Variants in ARHGAP24 observed in about 807,000 individuals in gnomAD.
ARHGAP24 encodes the protein Rho GTPase activating protein 24.
ARHGAP24 carries 50 observed loss-of-function variants against 76.4 expected under a neutral mutation model. That is an observed-to-expected ratio of 0.65 (90% CI 0.52 to 0.83). ARHGAP24 has a LOEUF of 0.83. Ranked by LOEUF, ARHGAP24 falls within the 40% of genes least tolerant of loss-of-function variation. The probability of loss-of-function intolerance (pLI) is 0.00; values close to 1 mark genes in which losing one functional copy is unlikely to be tolerated. For missense variants in ARHGAP24, 930 were observed against 914.2 expected (o/e 1.02, Z -0.22); for synonymous variants, 345 against 323.3 (o/e 1.07, Z -0.72).
intron 1 of ARHGAP24, among the ~76,000 whole-genome samples, chr4:85,542,750 T>C (rs978264625): frequency 6.6e-6 from 1 of 152,162 alleles, no homozygotes; most frequent in African/African-American, 2.4e-5. Context: ...TATTAATAGG[T>C]AATTGAGAGA....
At chr4:85,939,988 G>A (rs938111572) in intron 4 of ARHGAP24, among the ~76,000 whole-genome samples, 3 of 151,916 alleles carry the variant, frequency 2.0e-5, no homozygotes, top group African/African-American at 7.3e-5. Context: ...CTTTTAAAAG[G>A]TTATTTACTT....
chr4:85,770,943 A>G (rs1259503380), intron 3 of ARHGAP24, among the ~76,000 whole-genome samples: 1 of 152,182 alleles, frequency 6.6e-6, no homozygotes, highest in Non-Finnish European at 1.5e-5. Flanking sequence ...GTTCATTAAT[A>G]TTGACTTACT....
chr4:85,977,580 G>A lies in ARHGAP24; in HGVS notation c.817G>A (p.Glu273Lys). ...LLKYICRFLD[E>K]VQSYSGVNKM... ...GCTTATACTCCATAGATTCTTGGAT[G>A]AAGTACAGTCCTACTCGGGAGTTAA... Residue 273 changes from glutamate (E) to lysine (K), a missense_variant, in exon 8 of 10, where the codon GAA becomes AAA. Coordinates refer to ENST00000395184, the MANE Select transcript of ARHGAP24 (RefSeq NM_001025616.3). The A allele has an allele frequency of 6.2e-7, 1 of 1,613,624 alleles. No homozygotes were observed. The highest frequency in any genetic ancestry group is 8.5e-7 in the Non-Finnish European group (1 of 1,179,720).
At chr4:85,720,102 C>T (rs1490589714) in intron 2 of ARHGAP24, among the ~76,000 whole-genome samples, 4 of 109,988 alleles carry the variant, frequency 3.6e-5, no homozygotes, top group Non-Finnish European at 3.6e-5. Flanking sequence ...CATCACCCAC[C>T]GGGGCCTGTT....
At chr4:85,561,058 C>T (rs1369393366) in intron 1 of ARHGAP24, among the ~76,000 whole-genome samples, 1 of 152,178 alleles carries the variant, frequency 6.6e-6, no homozygotes, top group Non-Finnish European at 1.5e-5. Flanking sequence ...TCACTATATT[C>T]TAGTTCATCT....
intron 2 of ARHGAP24, among the ~76,000 whole-genome samples, chr4:85,651,693 T>C (rs1274210725): frequency 7.3e-6 from 1 of 137,522 alleles, no homozygotes; most frequent in East Asian, 1.9e-4. Context: ...TGTCTAATAA[T>C]AGGTCATAAG....
At chr4:85,778,266 A>G (rs1265715434) in intron 3 of ARHGAP24, among the ~76,000 whole-genome samples, 2 of 152,242 alleles carry the variant, frequency 1.3e-5, no homozygotes, top group Non-Finnish European at 2.9e-5. Context: ...GAAAGTTTCA[A>G]TATTAAGGAT....
At chr4:85,994,507 C>T in intron 8 of ARHGAP24, 76 bp from the exon 9 acceptor site, 1 of 1,380,092 alleles carries the variant, frequency 7.2e-7, no homozygotes, top group East Asian at 2.3e-5. Flanking sequence ...GAATGTGTTT[C>T]TTTAAGAGTC....
At chr4:85,705,541 G>T (rs1330856610) in intron 2 of ARHGAP24, among the ~76,000 whole-genome samples, 1 of 152,196 alleles carries the variant, frequency 6.6e-6, no homozygotes, top group African/African-American at 2.4e-5. Flanking sequence ...ATTCCATTAT[G>T]TAGATAGGGA....
At chr4:85,667,485 C>T (rs997328996) in intron 2 of ARHGAP24, among the ~76,000 whole-genome samples, 12 of 152,168 alleles carry the variant, frequency 7.9e-5, no homozygotes, top group African/African-American at 2.9e-4. Context: ...CTTTGGCTCA[C>T]ACACAATGCA....
rs146157517 is a variant in ARHGAP24 at position 85,917,753 on chromosome 4, G to T, written c.269-5895G>T. Among the ~76,000 whole-genome samples the T allele has an allele frequency of 3.3e-4, 50 of 152,164 alleles. No homozygotes were observed. The East Asian group carries it at 8.9e-3, about 27-fold the overall frequency. Reference sequence around the variant, plus strand: ...AGACATCACTTCTAAGAAACTGTTTGTTTTTTAGTTCACAATTTTATTGAC... The same window carrying T: ...AGACATCACTTCTAAGAAACTGTTTTTTTTTTAGTTCACAATTTTATTGAC... On this transcript the variant is annotated intron_variant, in intron 3 of 9. Transcript: ENST00000395184.
chr4:85,781,986 G>A (rs1231380510), intron 3 of ARHGAP24, among the ~76,000 whole-genome samples: 3 of 141,870 alleles, frequency 2.1e-5, no homozygotes, highest in Non-Finnish European at 3.0e-5. Context: ...TCAGTGAGCC[G>A]AGATCACACC....
chr4:85,613,721 T>G (rs952258854), intron 2 of ARHGAP24, among the ~76,000 whole-genome samples: 7 of 152,212 alleles, frequency 4.6e-5, no homozygotes, highest in Non-Finnish European at 8.8e-5. Flanking sequence ...ACAAGTTTAC[T>G]AAGTATATTT....
chr4:85,851,323 A>G (rs1263285954), intron 3 of ARHGAP24, among the ~76,000 whole-genome samples: 1 of 151,904 alleles, frequency 6.6e-6, no homozygotes, highest in Non-Finnish European at 1.5e-5. Flanking sequence ...CTGTCCCTTT[A>G]TTTTGAGCCC....
rs1725530480 is a variant in ARHGAP24, at chr4:85,537,823, A to G, written c.-20-32699A>G. Among the ~76,000 whole-genome samples, 3 of 152,190 alleles carry G rather than the reference A, an allele frequency of 2.0e-5. No individual in the cohort carries two copies. The South Asian group carries it at 6.2e-4, about 31-fold the overall frequency. On this transcript the variant is annotated intron_variant, in intron 1 of 9. Coordinates refer to ENST00000395184, the MANE Select transcript of ARHGAP24 (RefSeq NM_001025616.3). ...GGAAAGCTTAAAAGCAGTCATTCAAATGTATTCAGAGAAAGCCCAGATATG... is the reference window on the plus strand; with the variant it reads ...GGAAAGCTTAAAAGCAGTCATTCAAGTGTATTCAGAGAAAGCCCAGATATG...
At chr4:85,881,933 A>G (rs371896461) in intron 3 of ARHGAP24, among the ~76,000 whole-genome samples, 1 of 152,228 alleles carries the variant, frequency 6.6e-6, no homozygotes, top group Middle Eastern at 3.2e-3. Context: ...CTAGTAACTC[A>G]TCCAATAATG....
At position 85,547,237 on chromosome 4, in the gene ARHGAP24, C is replaced by T. The variant is rs952539162; in HGVS notation, c.-20-23285C>T. On this transcript the variant is annotated intron_variant, in intron 1 of 9. Transcript: ENST00000395184. ...TACTTTCACCTGGGACAGTTCCTCA[C>T]CTTTCTTTGTCTTTCTTGACCTTGA... Among the ~76,000 whole-genome samples, 4 of 152,152 alleles carry T rather than the reference C, an allele frequency of 2.6e-5. No individual in the cohort carries two copies. In the East Asian group the frequency reaches 5.8e-4, roughly 22 times the overall value.
chr4:85,896,566 A>G (rs1041498473), intron 3 of ARHGAP24, among the ~76,000 whole-genome samples: 4 of 152,204 alleles, frequency 2.6e-5, no homozygotes, highest in Non-Finnish European at 4.4e-5. Flanking sequence ...TTTCACTTGC[A>G]TAGCAAACAC....
intron 3 of ARHGAP24, among the ~76,000 whole-genome samples, chr4:85,897,756 T>A (rs1734266837): frequency 6.6e-6 from 1 of 152,166 alleles, no homozygotes; most frequent in African/African-American, 2.4e-5. Flanking sequence ...CATTGCTTAT[T>A]GCATCTTCCC....
Sources: gnomAD v4.1 joint callset for allele counts (sites outside exome capture counted in the v4.1 genomes callset) on GRCh38, gnomAD v4.1.1 for gene constraint, MANE v1.5 for transcripts, NCBI Gene and HGNC (gene_info 2026-07-23, HGNC 2026-07-21) for gene names.